The following NLRP9 variants were observed in gnomAD, a reference collection of about 807,000 sequenced individuals.
NLRP9 encodes NACHT, LRR and PYD domains-containing protein 9.
NLRP9 carries 88 observed loss-of-function variants against 83.1 expected under a neutral mutation model. The ratio of observed to expected loss-of-function variants is 1.06; its 90% CI spans 0.89 to 1.26. The LOEUF (loss-of-function observed/expected upper bound fraction) is 1.26, where lower values mean the gene tolerates loss of function less well. Ranked by LOEUF, NLRP9 falls within the 50% of genes most tolerant of loss-of-function variation. The pLI, the probability that NLRP9 is intolerant of heterozygous loss-of-function variation, is 0.00. For missense variants in NLRP9, 1,308 were observed against 1,179.3 expected (o/e 1.11, Z -1.60); for synonymous variants, 521 against 447.6 (o/e 1.16, Z -2.07).
intron 3 of NLRP9, among the ~76,000 whole-genome samples, chr19:55,726,920 GTCTC>G (rs975887312): frequency 6.2e-4 from 95 of 152,180 alleles, no homozygotes; most frequent in African/African-American, 2.2e-3. Context: ...TGACCAAACT[GTCTC>G]TATCATTTCT....
chr19:55,719,313 C>A (rs554541627), intron 4 of NLRP9, among the ~76,000 whole-genome samples: 1 of 152,096 alleles, frequency 6.6e-6, no homozygotes, highest in Non-Finnish European at 1.5e-5. Flanking sequence ...CCACCACACC[C>A]GGCTAATTTT....
At chr19:55,715,015 A>T (rs1206514996) in intron 6 of NLRP9, 40 bp downstream of exon 6, 2 of 1,566,354 alleles carry the variant, frequency 1.3e-6, no homozygotes, top group Non-Finnish European at 1.7e-6. Flanking sequence ...TATCCAAAAA[A>T]AGAAACCCTG....
chr19:55,725,677 C>A (rs1021171507), intron 3 of NLRP9, among the ~76,000 whole-genome samples: 2 of 152,028 alleles, frequency 1.3e-5, no homozygotes, highest in African/African-American at 4.8e-5. Context: ...GGGATCTGTG[C>A]GGCGAGGGTG....
At chr19:55,730,763 G>A (rs1278496325) in intron 2 of NLRP9, among the ~76,000 whole-genome samples, 1 of 152,144 alleles carries the variant, frequency 6.6e-6, no homozygotes, top group African/African-American at 2.4e-5. Context: ...GTTGGAGTGT[G>A]GGGCTTGGGA....
At chr19:55,728,484 A>C (rs1404738197) in intron 3 of NLRP9, among the ~76,000 whole-genome samples, 1 of 152,102 alleles carries the variant, frequency 6.6e-6, no homozygotes, top group Non-Finnish European at 1.5e-5. Context: ...AGGCAGGAGA[A>C]TCGCTTGAAC....
At chr19:55,722,097 A>G (rs961639687) in intron 4 of NLRP9, among the ~76,000 whole-genome samples, 2 of 128,328 alleles carry the variant, frequency 1.6e-5, no homozygotes, top group African/African-American at 6.7e-5. Flanking sequence ...AAGGGACAAA[A>G]TTCCCCCATT....
At position 55,713,574 on chromosome 19, in the gene NLRP9, TCTCTCCCTCCTCCCCTCCTCCTC is replaced by T. The variant is rs1276299975; in HGVS notation, c.2502-1007_2502-985del. Among the ~76,000 whole-genome samples, 210 of 75,270 alleles carry T rather than the reference TCTCTCCCTCCTCCCCTCCTCCTC, an allele frequency of 2.8e-3. 1 individual carries two copies. The highest frequency in any genetic ancestry group is 4.1e-3 in the Admixed American group (24 of 5,796). The allele number at this position is 75,270 out of a possible 152,430, so 49.4% of individuals were successfully genotyped here. A position where few individuals can be genotyped will look rare whatever the true frequency, so the allele number is the denominator to read the frequency against. ...AGGAGAGAAAGTGCCCCTGGCACCT[TCTCTCCCTCCTCCCCTCCTCCTC>T]CTCTCCCTCCTCCCCTCTCCCTCTT... is the stretch of plus-strand genomic sequence containing the variant. On this transcript the variant is annotated intron_variant, in intron 6 of 8. Transcript: ENST00000332836.
intron 4 of NLRP9, among the ~76,000 whole-genome samples, chr19:55,717,684 G>A (rs571348936): frequency 1.9e-4 from 29 of 152,156 alleles, no homozygotes; most frequent in Non-Finnish European, 3.1e-4. Context: ...TTCTGTGGCC[G>A]GAGACGGGAG....
intron 1 of NLRP9, among the ~76,000 whole-genome samples, chr19:55,734,553 G>A (rs898074589): frequency 3.6e-5 from 5 of 138,430 alleles, no homozygotes; most frequent in Non-Finnish European, 4.7e-5. Flanking sequence ...ACATATATAC[G>A]CACACACATA....
At chr19:55,718,311 G>A (rs191850197) in intron 4 of NLRP9, among the ~76,000 whole-genome samples, 10 of 152,152 alleles carry the variant, frequency 6.6e-5, no homozygotes, top group African/African-American at 9.7e-5. Context: ...CCCGACACCC[G>A]TAAAGGGTCT....
chr19:55,731,478 C>T (rs934205861), intron 2 of NLRP9, among the ~76,000 whole-genome samples: 1 of 152,004 alleles, frequency 6.6e-6, no homozygotes, highest in Non-Finnish European at 1.5e-5. Context: ...AATCCTAGCA[C>T]TTTGGGAGGC....
chr19:55,719,897 A>G (rs1988169335), intron 4 of NLRP9, among the ~76,000 whole-genome samples: 1 of 152,218 alleles, frequency 6.6e-6, no homozygotes, highest in Non-Finnish European at 1.5e-5. Flanking sequence ...GAGACAAGAC[A>G]CATTAAGCAC....
chr19:55,732,254 C>T lies in NLRP9; in HGVS notation c.1577G>A (p.Cys526Tyr). The change falls in exon 2 of 9, where the codon TGC becomes TAC. Residue 526 changes from cysteine (C) to tyrosine (Y), a missense_variant. By Grantham distance (194) the Cys-to-Tyr change is radical. Coordinates refer to ENST00000332836, the MANE Select transcript of NLRP9 (RefSeq NM_176820.4). ...TTCACATTGACTTAAACTTTCAAGG[C>T]ATTGGGTTATTTCCTGCTTTAGGTC... ...SKDLKQEITQ[C>Y]LESLSQCEAD... is the part of the protein sequence containing the mutation. 6.2e-7 allele frequency: 1 copy of T among 1,614,056 alleles called. No individual in the cohort carries two copies. The highest frequency in any genetic ancestry group is 8.5e-7 in the Non-Finnish European group (1 of 1,179,918).
intron 1 of NLRP9, among the ~76,000 whole-genome samples, chr19:55,734,270 A>G (rs1988710912): frequency 6.7e-6 from 1 of 149,412 alleles, no homozygotes. Context: ...AAGCTGAGGC[A>G]CAAGAATTGC....
chr19:55,724,748 A>G (rs553516885), intron 3 of NLRP9, among the ~76,000 whole-genome samples: 1 of 152,252 alleles, frequency 6.6e-6, no homozygotes, highest in South Asian at 2.1e-4. Flanking sequence ...CTCTTCATGA[A>G]AGATATGGTC....
chr19:55,716,373 C>G (rs971911779), intron 5 of NLRP9, among the ~76,000 whole-genome samples: 7 of 151,634 alleles, frequency 4.6e-5, no homozygotes, highest in African/African-American at 1.7e-4. Flanking sequence ...ATTCTCCTGC[C>G]TCAGCCTCCC....
At position 55,732,615 on chromosome 19, in the gene NLRP9, A is replaced by C; in HGVS notation, c.1216T>G (p.Tyr406Asp). 6.2e-7 allele frequency: 1 copy of C among 1,614,220 alleles called. No homozygotes were observed. The highest frequency in any genetic ancestry group is 1.1e-5 in the South Asian group (1 of 91,086). Residue 406 changes from tyrosine to aspartate, a missense_variant, in exon 2 of 9, where the codon TAT becomes GAT. Coordinates refer to ENST00000332836, the MANE Select transcript of NLRP9 (RefSeq NM_176820.4). ...TCCCCATGGGAAAATACAAATGTATATGTCCAAATTCCCTCTGCAGCCAAA... is the reference window on the plus strand; with the variant it reads ...TCCCCATGGGAAAATACAAATGTATCTGTCCAAATTCCCTCTGCAGCCAAA... ...CALAAEGIWT[Y>D]TFVFSHGDLR...
In NLRP9 at chr19:55,715,103, G is replaced by A; in HGVS notation, c.2453C>T (p.Ser818Phe). Residue 818 changes from serine (S) to phenylalanine (F), a missense_variant, in exon 6 of 9, where the codon TCT becomes TTT. By Grantham distance (155) the Ser-to-Phe change is radical. Transcript: ENST00000332836. Reference sequence around the variant, plus strand: ...TGGGTGCTTCAGCGCTGCACACAGAGATGCCACTCCATTATCTTCCAGGGC... The same window carrying A: ...TGGGTGCTTCAGCGCTGCACACAGAAATGCCACTCCATTATCTTCCAGGGC... ...SNALEDNGVA[S>F]LCAALKHPGC... 3 of 1,613,112 alleles carry A rather than the reference G, an allele frequency of 1.9e-6. No individual in the cohort carries two copies. Among genetic ancestry groups the A allele is most frequent in the Non-Finnish European group, 2.5e-6 (3 of 1,179,854 alleles).
At position 55,718,684 on chromosome 19, in the gene NLRP9, C is replaced by T. The variant is rs1003508427; in HGVS notation, c.2160-1786G>A. Among the ~76,000 whole-genome samples the T allele has an allele frequency of 1.5e-4, 23 of 152,224 alleles. 1 individual carries two copies. Among genetic ancestry groups the T allele is most frequent in the Admixed American group, 6.5e-5 (1 of 15,280 alleles). On this transcript the variant is annotated intron_variant, in intron 4 of 8. Transcript: ENST00000332836. ...TGTTGCCCAGCCACATTCCCCTCGC[C>T]AAGATAGTAAAAATAGTGATCAATA...
Sources: gnomAD v4.1 joint callset for allele counts (sites outside exome capture counted in the v4.1 genomes callset) on GRCh38, gnomAD v4.1.1 for gene constraint, MANE v1.5 for transcripts, NCBI Gene and HGNC (gene_info 2026-07-23, HGNC 2026-07-21) for gene names.